Variants in COL18A1 observed in about 807,000 individuals in gnomAD.
COL18A1 encodes collagen alpha-1(XVIII) chain.
Under a neutral mutation model 168.0 loss-of-function variants are expected in COL18A1, and 133 were observed. The ratio of observed to expected loss-of-function variants is 0.79; its 90% CI spans 0.69 to 0.91. COL18A1 has a LOEUF of 0.91. Among genes scored for constraint, COL18A1 ranks in the 40% least tolerant of loss-of-function variants. The pLI is 0.00. For synonymous variants in COL18A1, 949 were observed against 809.0 expected, an observed-to-expected ratio of 1.17 and a Z score of -2.94; for missense variants, 2,126 against 1,925.4, an observed-to-expected ratio of 1.10 and a Z score of -1.95.
At chr21:45,509,206 C>G (rs1263802341) in intron 38 of COL18A1, 150 bp from the exon 39 acceptor site, 2 of 1,078,708 alleles carry the variant, frequency 1.9e-6, no homozygotes, top group African/African-American at 3.2e-5. Flanking sequence ...GCTGCCTACA[C>G]CCCCAGGGCA....
intron 2 of COL18A1, among the ~76,000 whole-genome samples, chr21:45,430,879 G>A (rs376302578): frequency 2.6e-5 from 4 of 152,332 alleles, no homozygotes; most frequent in South Asian, 4.1e-4. Context: ...GGGTCAGCTC[G>A]GGAGCAAGGC....
chr21:45,508,449 G>T (rs1030472896), intron 38 of COL18A1, among the ~76,000 whole-genome samples: 1 of 146,878 alleles, frequency 6.8e-6, no homozygotes, highest in South Asian at 2.3e-4. Flanking sequence ...GTAAGTGGGT[G>T]AGTGGATGGG....
At chr21:45,479,077 G>A (rs941589078) in intron 9 of COL18A1, among the ~76,000 whole-genome samples, 3 of 135,726 alleles carry the variant, frequency 2.2e-5, no homozygotes, top group Admixed American at 1.5e-4. Flanking sequence ...GTACACGCAC[G>A]CGTGTGAGTG....
intron 2 of COL18A1, among the ~76,000 whole-genome samples, chr21:45,414,080 G>GGATCGGGAGGAGGAA (rs2033375402): frequency 6.6e-6 from 1 of 152,204 alleles, no homozygotes; most frequent in Admixed American, 6.6e-5. Flanking sequence ...GGGAGGAGGA[G>GGATCGGGAGGAGGAA]GGGGAGGCCC....
At chr21:45,411,208 C>A (rs980493079) in intron 2 of COL18A1, among the ~76,000 whole-genome samples, 1 of 152,124 alleles carries the variant, frequency 6.6e-6, no homozygotes, top group African/African-American at 2.4e-5. Flanking sequence ...GGCAGGACAT[C>A]GTCTGCAGTG....
At chr21:45,447,848 CAGG>C (rs1233181855) in intron 2 of COL18A1, among the ~76,000 whole-genome samples, 1 of 152,124 alleles carries the variant, frequency 6.6e-6, no homozygotes, top group Non-Finnish European at 1.5e-5. Context: ...TCACATCAAG[CAGG>C]AGATGTCGGT....
At chr21:45,474,425 TGTGTGTCTGTG>T (rs1226749090) in intron 4 of COL18A1, among the ~76,000 whole-genome samples, 3 of 145,280 alleles carry the variant, frequency 2.1e-5, no homozygotes, top group Non-Finnish European at 4.5e-5. Context: ...TTGTGTGTCG[TGTGTGTCTGTG>T]GTGTGTCTCT....
At chr21:45,440,833 C>T (rs1040550398) in intron 2 of COL18A1, among the ~76,000 whole-genome samples, 1 of 152,200 alleles carries the variant, frequency 6.6e-6, no homozygotes, top group Non-Finnish European at 1.5e-5. Flanking sequence ...TAGGAACTGG[C>T]CCCTGGCCAT....
At chr21:45,454,038 G>A (rs1437727598) in intron 2 of COL18A1, among the ~76,000 whole-genome samples, 1 of 152,222 alleles carries the variant, frequency 6.6e-6, no homozygotes, top group Non-Finnish European at 1.5e-5. Flanking sequence ...GGCGTGTTCA[G>A]ACATAAAATC....
At chr21:45,480,195 C>A in intron 11 of COL18A1, 39 bp downstream of exon 11, 2 of 1,271,922 alleles carry the variant, frequency 1.6e-6, no homozygotes, top group Non-Finnish European at 2.3e-6. Context: ...CCGGGGTCTG[C>A]CCTCCTCAAA....
intron 20 of COL18A1, 113 bp from the exon 21 acceptor site, chr21:45,490,723 C>T: frequency 8.5e-7 from 1 of 1,181,652 alleles, no homozygotes; most frequent in Non-Finnish European, 1.2e-6. Flanking sequence ...CCTCCCAGGC[C>T]CCAGCCGGTC....
At chr21:45,406,797 G>GT (rs954314105) in intron 2 of COL18A1, among the ~76,000 whole-genome samples, 3 of 152,344 alleles carry the variant, frequency 2.0e-5, no homozygotes, top group South Asian at 2.1e-4. Flanking sequence ...AAAGGTGATG[G>GT]TTTTTTTGCC....
chr21:45,436,034 T>A (rs1020854468), intron 2 of COL18A1, among the ~76,000 whole-genome samples: 1 of 152,178 alleles, frequency 6.6e-6, no homozygotes, highest in Non-Finnish European at 1.5e-5. Flanking sequence ...AGGGGGACAC[T>A]GGGGCCTCAG....
chr21:45,428,264 A>G (rs1362097578), intron 2 of COL18A1, among the ~76,000 whole-genome samples: 1 of 152,028 alleles, frequency 6.6e-6, no homozygotes, highest in Non-Finnish European at 1.5e-5. Flanking sequence ...GAACCGGGAG[A>G]CTGGCTGAGC....
At chr21:45,413,156 C>A (rs1311093577) in intron 2 of COL18A1, among the ~76,000 whole-genome samples, 1 of 152,214 alleles carries the variant, frequency 6.6e-6, no homozygotes, top group Non-Finnish European at 1.5e-5. Context: ...CCATCCCCAC[C>A]CTTAGGGCAG....
intron 31 of COL18A1, among the ~76,000 whole-genome samples, 195 bp downstream of exon 31, chr21:45,497,287 ACCTTGGGGTGG>A (rs2036576713): frequency 6.6e-6 from 1 of 152,148 alleles, no homozygotes; most frequent in Non-Finnish European, 1.5e-5. Flanking sequence ...CCAGGACCTG[ACCTTGGGGTGG>A]CCCCCATTTG....
At chr21:45,455,062 G>A (rs1435879519) in intron 2 of COL18A1, among the ~76,000 whole-genome samples, 1 of 152,226 alleles carries the variant, frequency 6.6e-6, no homozygotes, top group Admixed American at 6.5e-5. Flanking sequence ...CATTTTTTCG[G>A]TTCCAAGTTT....
At chr21:45,474,074 T>C in intron 4 of COL18A1, 93 bp downstream of exon 4, 3 of 979,462 alleles carry the variant, frequency 3.1e-6, no homozygotes, top group Non-Finnish European at 3.1e-6. Context: ...AGTCCCAAAA[T>C]ATACCACTTG....
At chr21:45,451,629 C>T (rs935964288) in intron 2 of COL18A1, among the ~76,000 whole-genome samples, 25 of 152,218 alleles carry the variant, frequency 1.6e-4, no homozygotes, top group Admixed American at 1.4e-3. Flanking sequence ...GAGGACGCCA[C>T]GTTCTGCACT....
Sources: gnomAD v4.1 joint callset for allele counts (sites outside exome capture counted in the v4.1 genomes callset) on GRCh38, gnomAD v4.1.1 for gene constraint, MANE v1.5 for transcripts, NCBI Gene and HGNC (gene_info 2026-07-23, HGNC 2026-07-21) for gene names.